UGT1A10: variants seen among roughly 807,000 people sequenced by gnomAD.
UGT1A10 encodes the protein UDP-glucuronosyltransferase 1A10.
A neutral mutation model predicts 45.8 loss-of-function variants in UGT1A10; 49 were observed. That is an observed-to-expected ratio of 1.07 (90% CI 0.85 to 1.36). UGT1A10 has a LOEUF of 1.36. Among genes scored for constraint, UGT1A10 ranks in the 40% most tolerant of loss-of-function variants. The pLI, the probability that UGT1A10 is intolerant of heterozygous loss-of-function variation, is 0.00. For synonymous variants in UGT1A10, 284 were observed against 249.7 expected, an observed-to-expected ratio of 1.14 and a Z score of -1.29; for missense variants, 745 against 668.6, an observed-to-expected ratio of 1.11 and a Z score of -1.26.
intron 1 of UGT1A10, among the ~76,000 whole-genome samples, chr2:233,676,048 A>G (rs1002002761): frequency 6.6e-6 from 1 of 152,212 alleles, no homozygotes; most frequent in African/African-American, 2.4e-5. Flanking sequence ...TGGCCAATTG[A>G]CTAGGTGCCA....
At chr2:233,716,525 A>C (rs931011254) in intron 1 of UGT1A10, among the ~76,000 whole-genome samples, 1 of 152,164 alleles carries the variant, frequency 6.6e-6, no homozygotes, top group Non-Finnish European at 1.5e-5. Context: ...CTTACCATTC[A>C]ATTATCTCCT....
chr2:233,700,370 G>A (rs947841923), intron 1 of UGT1A10, among the ~76,000 whole-genome samples: 2 of 152,050 alleles, frequency 1.3e-5, no homozygotes, highest in African/African-American at 2.4e-5. Context: ...TGATTATCTG[G>A]GGCATTTCCA....
chr2:233,693,626 C>T lies in UGT1A10; in HGVS notation c.855+56249C>T, dbSNP rs571650145. 6.3e-5 allele frequency: 101 copies of T among 1,614,196 alleles called. 1 individual carries two copies. The highest frequency in any genetic ancestry group is 6.1e-4 in the South Asian group (56 of 91,072). On this transcript the variant is annotated intron_variant, in intron 1 of 4. Coordinates refer to ENST00000344644, the MANE Select transcript of UGT1A10 (RefSeq NM_019075.4). Reference sequence around the variant, plus strand: ...TTCAGACCACATGACTTTTTCCCAACGAGTGGCCAACTTCCTTGTTAATTT... The same window carrying T: ...TTCAGACCACATGACTTTTTCCCAATGAGTGGCCAACTTCCTTGTTAATTT...
In UGT1A10 at chr2:233,760,439, A is replaced by C. The variant is rs1697446829; in HGVS notation, c.856-6595A>C. ...ATGCTTGGGGCCATCCAGCAGCTGC[A>C]GCAGAGGGGACATGAAATAGTTGTC... On this transcript the variant is annotated intron_variant, in intron 1 of 4. Transcript: ENST00000344644. 6.2e-7 allele frequency: 1 copy of C among 1,614,254 alleles called. No individual in the cohort carries two copies. The highest frequency in any genetic ancestry group is 1.7e-5 in the Admixed American group (1 of 60,030).
chr2:233,656,975 G>A (rs1378503926), intron 1 of UGT1A10, among the ~76,000 whole-genome samples: 1 of 151,718 alleles, frequency 6.6e-6, no homozygotes, highest in African/African-American at 2.4e-5. Context: ...GAGCCCAGGT[G>A]GAGCCTCCGC....
At chr2:233,746,793 T>G (rs1030985091) in intron 1 of UGT1A10, among the ~76,000 whole-genome samples, 4 of 151,826 alleles carry the variant, frequency 2.6e-5, no homozygotes, top group Non-Finnish European at 4.4e-5. Context: ...TTGTAATTCA[T>G]GAGCGTGAAT....
At chr2:233,653,778 G>A (rs1266020829) in intron 1 of UGT1A10, among the ~76,000 whole-genome samples, 2 of 152,166 alleles carry the variant, frequency 1.3e-5, no homozygotes, top group Non-Finnish European at 2.9e-5. Context: ...TGTATTTTTA[G>A]TAGACATGGG....
At chr2:233,711,337 G>C (rs1160306981) in intron 1 of UGT1A10, among the ~76,000 whole-genome samples, 1 of 152,226 alleles carries the variant, frequency 6.6e-6, no homozygotes, top group African/African-American at 2.4e-5. Flanking sequence ...CCACTGCATG[G>C]AGATAGAACA....
Position 233,675,141 on chromosome 2 carries a change from C to A in UGT1A10, c.855+37764C>A, listed in dbSNP as rs114820333. Among the ~76,000 whole-genome samples the A allele has an allele frequency of 1.8e-3, 261 of 145,274 alleles. 3 individuals carry two copies. The highest frequency in any genetic ancestry group is 6.1e-3 in the African/African-American group (245 of 40,434). ...GTAACAAAATCTCCTTGAGGCTATCCAGGGGAATTACATCCAGGGATGTAA... is the reference window on the plus strand; with the variant it reads ...GTAACAAAATCTCCTTGAGGCTATCAAGGGGAATTACATCCAGGGATGTAA... On this transcript the variant is annotated intron_variant, in intron 1 of 4. Coordinates refer to ENST00000344644, the MANE Select transcript of UGT1A10 (RefSeq NM_019075.4).
At position 233,637,067 on chromosome 2, in the gene UGT1A10, A is replaced by G. The variant is rs763974940; in HGVS notation, c.545A>G (p.Gln182Arg). Residue 182 changes from glutamine (Q) to arginine (R), a missense_variant, in exon 1 of 5, where the codon CAG becomes CGG. By Grantham distance (43) the Gln-to-Arg change is conservative (BLOSUM62 1). Coordinates refer to ENST00000344644, the MANE Select transcript of UGT1A10 (RefSeq NM_019075.4). ...TGCCACCATCTTGAAGAAGGTGCAC[A>G]GTGCCCTGCTCCTCTTTCCTATGTC... Reference protein sequence around the residue: ...IFCHHLEEGAQCPAPLSYVPN... With the variant: ...IFCHHLEEGARCPAPLSYVPN... 5.2e-5 allele frequency: 84 copies of G among 1,613,982 alleles called. No individual in the cohort carries two copies. Among genetic ancestry groups the G allele is most frequent in the Non-Finnish European group, 7.0e-5 (83 of 1,179,882 alleles).
chr2:233,637,985 T>C (rs1379161479), intron 1 of UGT1A10, among the ~76,000 whole-genome samples: 1 of 152,132 alleles, frequency 6.6e-6, no homozygotes, highest in African/African-American at 2.4e-5. Flanking sequence ...TATATAGCCA[T>C]TTTCCACTCT....
intron 1 of UGT1A10, among the ~76,000 whole-genome samples, chr2:233,653,256 A>T (rs1373045879): frequency 6.6e-6 from 1 of 152,234 alleles, no homozygotes; most frequent in Non-Finnish European, 1.5e-5. Context: ...AACATATAAA[A>T]ACACGACAGA....
chr2:233,673,088 G>A (rs951487954), intron 1 of UGT1A10, among the ~76,000 whole-genome samples: 2 of 151,938 alleles, frequency 1.3e-5, no homozygotes, highest in African/African-American at 2.4e-5. Context: ...TCCCTTTTTT[G>A]TTAATTCTAT....
At chr2:233,649,377 A>G (rs2073683535) in intron 1 of UGT1A10, among the ~76,000 whole-genome samples, 1 of 152,176 alleles carries the variant, frequency 6.6e-6, no homozygotes, top group South Asian at 2.1e-4. Flanking sequence ...TATTTTTGGA[A>G]AAGTATTTAA....
rs375377256 is a variant in UGT1A10 at position 233,636,477 on chromosome 2, A to G, written c.-46A>G. Reference sequence around the variant, plus strand: ...CTGTACTTCTTCCGCCTACTGTATCATAGCAGCTTAGAATCCCAGCTGCTG... The same window carrying G: ...CTGTACTTCTTCCGCCTACTGTATCGTAGCAGCTTAGAATCCCAGCTGCTG... On this transcript the variant is annotated 5_prime_UTR_variant, in exon 1 of 5. Transcript: ENST00000344644. The G allele has an allele frequency of 4.1e-5, 65 of 1,583,352 alleles. No homozygotes were observed. In the Admixed American group the frequency reaches 4.5e-4, roughly 11 times the overall value.
chr2:233,754,773 G>A (rs1178551708), intron 1 of UGT1A10: 7 of 1,057,998 alleles, frequency 6.6e-6, no homozygotes, highest in Non-Finnish European at 9.2e-6. Context: ...ACTTCCCAGG[G>A]AGCCAAAGGA....
chr2:233,749,548 G>A (rs1179692892), intron 1 of UGT1A10, among the ~76,000 whole-genome samples: 1 of 151,762 alleles, frequency 6.6e-6, no homozygotes, highest in Non-Finnish European at 1.5e-5. Flanking sequence ...TAAAGAACAG[G>A]CTAATGTATT....
chr2:233,770,941 G>T (rs1295256111), intron 4 of UGT1A10: 1 of 152,168 alleles, frequency 6.6e-6, no homozygotes, highest in African/African-American at 2.4e-5. Flanking sequence ...GGCTGCCGGG[G>T]GAACCTCAGG....
chr2:233,673,536 A>C (rs1559335189), intron 1 of UGT1A10, among the ~76,000 whole-genome samples: 1 of 152,134 alleles, frequency 6.6e-6, no homozygotes, highest in African/African-American at 2.4e-5. Flanking sequence ...ATTTCCATGA[A>C]TTGAGAAGGA....
Sources: allele counts gnomAD v4.1 joint callset (sites outside exome capture counted in the v4.1 genomes callset), GRCh38; gene constraint gnomAD v4.1.1; transcripts MANE v1.5; gene names NCBI Gene and HGNC (gene_info 2026-07-23, HGNC 2026-07-21).